Variants in MTCL3 observed in about 807,000 individuals in gnomAD.
The protein encoded by MTCL3 is microtubule cross-linking factor 3.
the MTCL3 span, among the ~76,000 whole-genome samples, chr6:127,505,360 C>A: frequency 6.6e-6 from 1 of 152,304 alleles, no homozygotes; most frequent in African/African-American, 2.4e-5. Flanking sequence ...AGATCACATC[C>A]TTTGCAGGGA....
chr6:127,478,119 A>C, the MTCL3 span, among the ~76,000 whole-genome samples: 1 of 152,204 alleles, frequency 6.6e-6, no homozygotes, highest in Non-Finnish European at 1.5e-5. Context: ...TGTCATGGAA[A>C]GCTTTGATGG....
the MTCL3 span, among the ~76,000 whole-genome samples, chr6:127,483,729 A>C: frequency 6.6e-6 from 1 of 152,220 alleles, no homozygotes; most frequent in Non-Finnish European, 1.5e-5. Context: ...TTCAAGGACA[A>C]GCGTAATATG....
the MTCL3 span, among the ~76,000 whole-genome samples, chr6:127,493,106 C>T: frequency 6.6e-6 from 1 of 152,086 alleles, no homozygotes; most frequent in Non-Finnish European, 1.5e-5. Context: ...ATTTGTTCAT[C>T]CCACCCTTAG....
the MTCL3 span, among the ~76,000 whole-genome samples, chr6:127,485,727 T>G: frequency 5.3e-5 from 8 of 152,296 alleles, no homozygotes; most frequent in East Asian, 1.5e-3. Flanking sequence ...AATATTGTAC[T>G]CTTTCCCCAA....
chr6:127,476,292 G>C, the MTCL3 span: 1 of 1,614,154 alleles, frequency 6.2e-7, no homozygotes, highest in Non-Finnish European at 8.5e-7. The surrounding 1 kb of genome is among the most constrained non-coding windows in gnomAD (Gnocchi z 4.4). Context: ...TGCTGGGAGG[G>C]CCTCCGGCTT....
the MTCL3 span, among the ~76,000 whole-genome samples, chr6:127,477,959 GA>G: frequency 1.3e-5 from 2 of 150,306 alleles, no homozygotes; most frequent in African/African-American, 2.4e-5. Flanking sequence ...AAGCATAAAA[GA>G]AAAAAAAATA....
At chr6:127,475,247 G>A in the MTCL3 span, 1 of 1,530,304 alleles carries the variant, frequency 6.5e-7, no homozygotes, top group Non-Finnish European at 8.8e-7. This position sits in a 1 kb window ranked among gnomAD's most constrained non-coding sequence, Gnocchi z 7.3. Flanking sequence ...GCGGCTCCAC[G>A]GGCCAGCCTG....
At chr6:127,511,406 TTATAAC>T in the MTCL3 span, among the ~76,000 whole-genome samples, 2 of 152,212 alleles carry the variant, frequency 1.3e-5, no homozygotes, top group Non-Finnish European at 2.9e-5. Context: ...AAATATATAC[TTATAAC>T]TATATTAATT....
At chr6:127,513,197 C>T in the MTCL3 span, 6 of 708,220 alleles carry the variant, frequency 8.5e-6, 1 homozygote, top group South Asian at 1.1e-4. Context: ...TACATATAAG[C>T]CATTCACATA....
chr6:127,515,293 G>A, the MTCL3 span, among the ~76,000 whole-genome samples: 1 of 152,114 alleles, frequency 6.6e-6, no homozygotes, highest in Non-Finnish European at 1.5e-5. The surrounding 1 kb of genome is among the most constrained non-coding windows in gnomAD (Gnocchi z 4.3). Context: ...TATAATTAGA[G>A]AAACGGAGGC....
At chr6:127,476,248 A>T in the MTCL3 span, 3 of 1,613,938 alleles carry the variant, frequency 1.9e-6, no homozygotes, top group African/African-American at 4.0e-5. This position sits in a 1 kb window ranked among gnomAD's most constrained non-coding sequence, Gnocchi z 4.4. Flanking sequence ...TTCCTCCACC[A>T]GCCTTAGCCG....
chr6:127,516,217 G>A, the MTCL3 span: 1 of 1,435,350 alleles, frequency 7.0e-7, no homozygotes, highest in Non-Finnish European at 9.1e-7. Context: ...GCCCAAAGCG[G>A]CCAGGGTCGC....
the MTCL3 span, among the ~76,000 whole-genome samples, chr6:127,503,764 CTA>C: frequency 1.6e-4 from 24 of 152,142 alleles, no homozygotes; most frequent in Non-Finnish European, 2.8e-4. Context: ...TGGGAGATCT[CTA>C]TTTCTGGAAG....
chr6:127,516,317 C>T, the MTCL3 span: 1 of 1,590,886 alleles, frequency 6.3e-7, no homozygotes. Flanking sequence ...TCGGCCCCAC[C>T]TCCGCCTCCT....
chr6:127,496,768 A>G, the MTCL3 span, among the ~76,000 whole-genome samples: 1 of 152,182 alleles, frequency 6.6e-6, no homozygotes, highest in African/African-American at 2.4e-5. Flanking sequence ...TGGATACATG[A>G]TATGACACAG....
chr6:127,487,881 A>G, the MTCL3 span, among the ~76,000 whole-genome samples: 1 of 152,206 alleles, frequency 6.6e-6, no homozygotes, highest in Non-Finnish European at 1.5e-5. Context: ...GTAATGTTTT[A>G]TAAAGACTTG....
At chr6:127,476,118 C>T in the MTCL3 span, 3 of 1,614,146 alleles carry the variant, frequency 1.9e-6, no homozygotes, top group South Asian at 3.3e-5. The surrounding 1 kb of genome is among the most constrained non-coding windows in gnomAD (Gnocchi z 4.4). Context: ...CGCTCTGCTC[C>T]CTCATGAGCG....
At chr6:127,497,867 C>T in the MTCL3 span, among the ~76,000 whole-genome samples, 10 of 151,978 alleles carry the variant, frequency 6.6e-5, no homozygotes, top group African/African-American at 2.2e-4. Context: ...TTTCGACAAA[C>T]GGTGCTGGGG....
chr6:127,491,860 T>A, the MTCL3 span, among the ~76,000 whole-genome samples: 1 of 112,990 alleles, frequency 8.9e-6, no homozygotes. Context: ...GACCCTAGAC[T>A]CCAGCAAGAC....
Sources: allele counts gnomAD v4.1 joint callset (sites outside exome capture counted in the v4.1 genomes callset), GRCh38; gene constraint gnomAD v4.1.1; non-coding constraint Gnocchi (gnomAD v3.1); transcripts MANE v1.5; gene names NCBI Gene and HGNC (gene_info 2026-07-23, HGNC 2026-07-21).